Variants in EPHA6 observed in about 807,000 individuals in gnomAD.
EPHA6 encodes ephrin type-A receptor 6.
In EPHA6, 50 loss-of-function variants were observed where a neutral mutation model predicts 112.0. That is an observed-to-expected ratio of 0.45 (90% CI 0.36 to 0.56). The LOEUF (loss-of-function observed/expected upper bound fraction) is 0.56, where lower values mean the gene tolerates loss of function less well. EPHA6 is among the 20% of genes least tolerant of loss of function. The pLI, the probability that EPHA6 is intolerant of heterozygous loss-of-function variation, is 0.00. For missense variants in EPHA6, 1,280 were observed against 1,417.4 expected (o/e 0.90, Z 1.56); for synonymous variants, 529 against 490.7 (o/e 1.08, Z -1.03).
chr3:97,506,713 A>G (rs1369321270), intron 10 of EPHA6, among the ~76,000 whole-genome samples: 1 of 152,200 alleles, frequency 6.6e-6, no homozygotes, highest in Non-Finnish European at 1.5e-5. Context: ...GAAGAAAGTC[A>G]ATGGTAGATT....
At chr3:97,212,416 AT>A (rs1384961843) in intron 3 of EPHA6, among the ~76,000 whole-genome samples, 3 of 152,206 alleles carry the variant, frequency 2.0e-5, no homozygotes, top group Non-Finnish European at 4.4e-5. Flanking sequence ...TCTATGTTGT[AT>A]GAGTATTATT....
At chr3:97,425,664 G>T (rs1010337271) in intron 6 of EPHA6, among the ~76,000 whole-genome samples, 3 of 152,174 alleles carry the variant, frequency 2.0e-5, no homozygotes, top group African/African-American at 4.8e-5. Flanking sequence ...GATTAACATT[G>T]GGCTGTTCAT....
At chr3:96,828,720 C>A (rs984487605) in intron 1 of EPHA6, among the ~76,000 whole-genome samples, 1 of 152,144 alleles carries the variant, frequency 6.6e-6, no homozygotes, top group African/African-American at 2.4e-5. Context: ...ATGATCAACA[C>A]TGTTCCATTC....
chr3:97,465,649 A>G (rs1298762278), intron 7 of EPHA6, among the ~76,000 whole-genome samples: 1 of 152,070 alleles, frequency 6.6e-6, no homozygotes, highest in Non-Finnish European at 1.5e-5. Context: ...AGATGGTTAA[A>G]TGAGTTTTGG....
intron 11 of EPHA6, among the ~76,000 whole-genome samples, chr3:97,549,860 C>T (rs1333051328): frequency 6.6e-6 from 1 of 151,932 alleles, no homozygotes; most frequent in African/African-American, 2.4e-5. Context: ...AAATAAAAGT[C>T]TGGACCCATC....
At chr3:97,061,414 C>T (rs541484753) in intron 3 of EPHA6, among the ~76,000 whole-genome samples, 1 of 152,298 alleles carries the variant, frequency 6.6e-6, no homozygotes, top group Non-Finnish European at 1.5e-5. Flanking sequence ...AAGCCACATT[C>T]TGTACTTTGG....
At chr3:97,549,938 A>C (rs1195830234) in intron 11 of EPHA6, among the ~76,000 whole-genome samples, 1 of 152,234 alleles carries the variant, frequency 6.6e-6, no homozygotes, top group African/African-American at 2.4e-5. Flanking sequence ...ACATATGTGA[A>C]AATGAGAGTG....
At chr3:97,146,399 G>C (rs185323404) in intron 3 of EPHA6, among the ~76,000 whole-genome samples, 86 of 151,954 alleles carry the variant, frequency 5.7e-4, no homozygotes, top group Non-Finnish European at 9.7e-4. Context: ...AATACTCTCT[G>C]TATGATAATG....
intron 4 of EPHA6, 111 bp from the exon 5 acceptor site, chr3:97,243,841 G>A: frequency 1.2e-6 from 1 of 805,726 alleles, no homozygotes; most frequent in Non-Finnish European, 1.9e-6. Flanking sequence ...TAGAAAAAGA[G>A]TTCAAACTAA....
intron 11 of EPHA6, among the ~76,000 whole-genome samples, chr3:97,538,829 T>G (rs756238783): frequency 6.6e-5 from 10 of 152,162 alleles, no homozygotes; most frequent in Non-Finnish European, 1.5e-4. Context: ...GTGAGATATG[T>G]GCACACTGCA....
chr3:97,729,892 T>C (rs2034958283), intron 15 of EPHA6, among the ~76,000 whole-genome samples: 1 of 152,098 alleles, frequency 6.6e-6, no homozygotes, highest in African/African-American at 2.4e-5. Flanking sequence ...CCTGAAATTA[T>C]AGGTTTTCCA....
intron 2 of EPHA6, among the ~76,000 whole-genome samples, chr3:96,919,231 G>C (rs1464424771): frequency 6.6e-6 from 1 of 151,810 alleles, no homozygotes; most frequent in African/African-American, 2.4e-5. Context: ...GTAATAATTA[G>C]ATCATCTGTT....
At chr3:97,015,064 C>T (rs1332220693) in intron 3 of EPHA6, among the ~76,000 whole-genome samples, 1 of 152,108 alleles carries the variant, frequency 6.6e-6, no homozygotes, top group Non-Finnish European at 1.5e-5. Flanking sequence ...CAAGTTTTAT[C>T]ATTGGAGAAG....
At chr3:97,426,381 G>A (rs2089125334) in intron 6 of EPHA6, among the ~76,000 whole-genome samples, 1 of 152,116 alleles carries the variant, frequency 6.6e-6, no homozygotes, top group African/African-American at 2.4e-5. Flanking sequence ...ATCTCACGAG[G>A]CTAATTCACT....
intron 13 of EPHA6, among the ~76,000 whole-genome samples, chr3:97,622,770 T>A (rs1214152754): frequency 6.6e-6 from 1 of 151,782 alleles, no homozygotes; most frequent in Non-Finnish European, 1.5e-5. Context: ...GATGTTTTTG[T>A]TTGTTTTATG....
chr3:97,578,786 T>A (rs1455768436), intron 11 of EPHA6, among the ~76,000 whole-genome samples: 1 of 152,204 alleles, frequency 6.6e-6, no homozygotes, highest in Non-Finnish European at 1.5e-5. Flanking sequence ...TTTAAAAAAT[T>A]TCAGGGAACT....
intron 14 of EPHA6, among the ~76,000 whole-genome samples, chr3:97,702,900 C>T (rs577420728): frequency 6.6e-6 from 1 of 152,210 alleles, no homozygotes; most frequent in Non-Finnish European, 1.5e-5. Flanking sequence ...AGACTATTGA[C>T]CCCATTTTAT....
At chr3:97,078,474 C>T (rs2046610937) in intron 3 of EPHA6, among the ~76,000 whole-genome samples, 1 of 152,114 alleles carries the variant, frequency 6.6e-6, no homozygotes, top group Non-Finnish European at 1.5e-5. Context: ...TTGCCCATGC[C>T]TATGTCCTGA....
chr3:97,142,143 A>G (rs2075924225), intron 3 of EPHA6, among the ~76,000 whole-genome samples: 2 of 152,038 alleles, frequency 1.3e-5, no homozygotes, highest in South Asian at 2.1e-4. Flanking sequence ...TGATGTTAAC[A>G]TCATTCTTGA....
Sources: gnomAD v4.1 joint callset for allele counts (sites outside exome capture counted in the v4.1 genomes callset) on GRCh38, gnomAD v4.1.1 for gene constraint, MANE v1.5 for transcripts, NCBI Gene and HGNC (gene_info 2026-07-23, HGNC 2026-07-21) for gene names.